Variants in TMEM161B observed in about 807,000 individuals in gnomAD.
The protein encoded by TMEM161B is transmembrane protein 161B.
TMEM161B carries 34 observed loss-of-function variants against 61.8 expected under a neutral mutation model. The ratio of observed to expected loss-of-function variants is 0.55; its 90% CI spans 0.42 to 0.73. The LOEUF (loss-of-function observed/expected upper bound fraction) is 0.73. Ranked by LOEUF, TMEM161B falls within the 30% of genes least tolerant of loss-of-function variation. The pLI is 0.00. For synonymous variants in TMEM161B, 167 were observed against 192.8 expected, an observed-to-expected ratio of 0.87 and a Z score of 1.11; for missense variants, 456 against 558.5, an observed-to-expected ratio of 0.82 and a Z score of 1.85.
At chr5:88,205,533 G>C (rs945855025) in intron 8 of TMEM161B, among the ~76,000 whole-genome samples, 5 of 152,122 alleles carry the variant, frequency 3.3e-5, no homozygotes, top group Admixed American at 3.3e-4. Flanking sequence ...TGTAGAGATT[G>C]CAGTATAAGC....
At chr5:88,256,795 C>T (rs1755044422) in intron 1 of TMEM161B, among the ~76,000 whole-genome samples, 1 of 152,186 alleles carries the variant, frequency 6.6e-6, no homozygotes, top group South Asian at 2.1e-4. Flanking sequence ...ATAAATTTTT[C>T]CCACTGTTCT....
At chr5:88,228,987 T>G (rs1750533409) in intron 2 of TMEM161B, among the ~76,000 whole-genome samples, 2 of 152,302 alleles carry the variant, frequency 1.3e-5, no homozygotes, top group South Asian at 4.1e-4. Flanking sequence ...TTTAATTTAG[T>G]TCGAGAATTC....
intron 5 of TMEM161B, among the ~76,000 whole-genome samples, chr5:88,210,614 G>A (rs1189573797): frequency 2.0e-5 from 3 of 152,082 alleles, no homozygotes; most frequent in Non-Finnish European, 4.4e-5. Context: ...GGATGATTAG[G>A]TGAAAGTCTA....
At chr5:88,206,765 C>T (rs1244214328) in intron 6 of TMEM161B, among the ~76,000 whole-genome samples, 1 of 151,830 alleles carries the variant, frequency 6.6e-6, no homozygotes, top group Non-Finnish European at 1.5e-5. Context: ...TAAGAGTAAA[C>T]TTTAGCATTA....
Position 88,199,923 on chromosome 5 carries a change from G to T in TMEM161B, c.915-773C>A, listed in dbSNP as rs574338550. 4.6e-5 allele frequency: 7 copies of T among 152,092 alleles called. No homozygotes were observed. The East Asian group carries it at 1.4e-3, about 29-fold the overall frequency. 9.4% of individuals were successfully genotyped at this position (152,092 alleles called of 1,614,324 possible). Reference sequence around the variant, plus strand: ...GCAAGTAATTTGAATGTAGTGACTAGACCACCCTTGGCATCTAGTCTTATA... The same window carrying T: ...GCAAGTAATTTGAATGTAGTGACTATACCACCCTTGGCATCTAGTCTTATA... On this transcript the variant is annotated intron_variant, in intron 9 of 11. Transcript: ENST00000296595.
At chr5:88,215,228 T>C (rs1014964887) in intron 5 of TMEM161B, among the ~76,000 whole-genome samples, 3 of 152,306 alleles carry the variant, frequency 2.0e-5, no homozygotes, top group East Asian at 1.9e-4. Context: ...AGCAAAGCTA[T>C]TGTCCTGTGT....
chr5:88,204,483 G>A (rs1263553172), intron 8 of TMEM161B, among the ~76,000 whole-genome samples: 4 of 152,198 alleles, frequency 2.6e-5, no homozygotes, highest in Admixed American at 6.6e-5. Flanking sequence ...ACCATCGGAT[G>A]TGGGGAAGAA....
At chr5:88,254,859 GAAAA>G (rs200832129) in intron 1 of TMEM161B, among the ~76,000 whole-genome samples, 3 of 129,490 alleles carry the variant, frequency 2.3e-5, no homozygotes, top group Admixed American at 1.6e-4. Context: ...AATTTTAAGG[GAAAA>G]AAAAAAAAAA....
At chr5:88,263,875 T>C (rs764371474) in intron 1 of TMEM161B, among the ~76,000 whole-genome samples, 15 of 152,174 alleles carry the variant, frequency 9.9e-5, no homozygotes, top group Non-Finnish European at 7.4e-5. Flanking sequence ...ATTAGGCCTC[T>C]GTAGTAAGAA....
At position 88,255,477 on chromosome 5, in the gene TMEM161B, A is replaced by G. The variant is rs188110542; in HGVS notation, c.3+13244T>C. Among the ~76,000 whole-genome samples the G allele has an allele frequency of 5.2e-3, 798 of 152,314 alleles. 13 individuals are homozygous for G. The highest frequency in any genetic ancestry group is 5.2e-3 in the Non-Finnish European group (352 of 68,036). On this transcript the variant is annotated intron_variant, in intron 1 of 11. Transcript: ENST00000296595. ...AGCTAAAGAATAAGAACACCTATTGATATCTAATGTACATTTATTGGTTGA... is the reference window on the plus strand; with the variant it reads ...AGCTAAAGAATAAGAACACCTATTGGTATCTAATGTACATTTATTGGTTGA...
At chr5:88,246,065 T>A (rs383385) in intron 1 of TMEM161B, among the ~76,000 whole-genome samples, 108,318 of 151,656 alleles carry the variant, frequency 0.71, 38,790 homozygotes, top group South Asian at 0.77. Context: ...ACATTCTCAG[T>A]GTTAATGTTT....
chr5:88,246,127 A>G (rs1753585135), intron 1 of TMEM161B, among the ~76,000 whole-genome samples: 1 of 151,884 alleles, frequency 6.6e-6, no homozygotes, highest in African/African-American at 2.4e-5. Context: ...TCTCTTTACT[A>G]TGCCATTTCC....
At position 88,220,660 on chromosome 5, in the gene TMEM161B, C is replaced by G; in HGVS notation, c.349G>C (p.Val117Leu). 7.0e-7 allele frequency: 1 copy of G among 1,422,642 alleles called. No homozygotes were observed. Among genetic ancestry groups the G allele is most frequent in the Non-Finnish European group, 9.3e-7 (1 of 1,072,620 alleles). The allele number at this position is 1,422,642 out of a possible 1,614,324, so 88.1% of individuals were successfully genotyped here. A position where few individuals can be genotyped will look rare whatever the true frequency, so the allele number is the denominator to read the frequency against. ...LVDFTVAATVVYLVTEVYYNF... is the reference protein window; with the variant it reads ...LVDFTVAATVLYLVTEVYYNF... ...TAGTAGACTTCAGTTACTAGATACA[C>G]AACTGTAGCAGCCACTGTGAAATCC... Residue 117 changes from valine to leucine, a missense_variant, in exon 5 of 12, where the codon GTG (valine) becomes CTG (leucine). Transcript: ENST00000296595.
intron 1 of TMEM161B, among the ~76,000 whole-genome samples, chr5:88,254,063 C>T (rs2112738797): frequency 6.6e-6 from 1 of 151,892 alleles, no homozygotes; most frequent in South Asian, 2.1e-4. Flanking sequence ...AAGGAACCAA[C>T]ATTAGGGAGG....
chr5:88,227,206 AAATGTTG>A (rs1206556822), intron 3 of TMEM161B, among the ~76,000 whole-genome samples: 1 of 152,184 alleles, frequency 6.6e-6, no homozygotes, highest in Admixed American at 6.5e-5. Context: ...TAAATTTTAC[AAATGTTG>A]AACATAGTAG....
At chr5:88,198,928 C>G (rs1175602638) in intron 10 of TMEM161B, 48 bp downstream of exon 10, 1 of 1,396,918 alleles carries the variant, frequency 7.2e-7, no homozygotes, top group Non-Finnish European at 9.6e-7. Flanking sequence ...TTTTTTTTTA[C>G]AGTGCGGTTT....
intron 1 of TMEM161B, among the ~76,000 whole-genome samples, chr5:88,268,251 G>A (rs1321629378): frequency 6.6e-6 from 1 of 152,166 alleles, no homozygotes; most frequent in Non-Finnish European, 1.5e-5. Flanking sequence ...TAAAGAATAA[G>A]GGGACTACCG....
At chr5:88,209,735 C>A (rs1746314756) in intron 5 of TMEM161B, among the ~76,000 whole-genome samples, 1 of 152,160 alleles carries the variant, frequency 6.6e-6, no homozygotes, top group African/African-American at 2.4e-5. Flanking sequence ...ATACTATGAT[C>A]TGGCCACACT....
At chr5:88,248,492 C>A (rs1753907743) in intron 1 of TMEM161B, among the ~76,000 whole-genome samples, 1 of 152,052 alleles carries the variant, frequency 6.6e-6, no homozygotes, top group East Asian at 1.9e-4. Flanking sequence ...TCAGATAACA[C>A]TACACAAAAC....
Sources: allele counts gnomAD v4.1 joint callset (sites outside exome capture counted in the v4.1 genomes callset), GRCh38; gene constraint gnomAD v4.1.1; transcripts MANE v1.5; gene names NCBI Gene and HGNC (gene_info 2026-07-23, HGNC 2026-07-21).